Variants in RNF150 observed in about 807,000 individuals in gnomAD.
The protein encoded by RNF150 is ring finger protein 150.
RNF150 carries 24 observed loss-of-function variants against 39.3 expected under a neutral mutation model. The observed-to-expected ratio is 0.61, with a 90% CI of 0.44 to 0.86. The LOEUF is 0.86. RNF150 is among the 40% of genes least tolerant of loss of function. The pLI, the probability that RNF150 is intolerant of heterozygous loss-of-function variation, is 0.00. For synonymous variants in RNF150, 255 were observed against 227.3 expected (o/e 1.12, Z -1.10); for missense variants, 502 against 587.8 (o/e 0.85, Z 1.51).
intron 1 of RNF150, among the ~76,000 whole-genome samples, chr4:141,210,177 T>C (rs549472302): frequency 1.3e-4 from 20 of 152,338 alleles, no homozygotes; most frequent in African/African-American, 4.8e-4. Context: ...TTTGATGATC[T>C]TTTATTGTGA....
chr4:140,986,056 C>T (rs1734005100), intron 1 of RNF150, among the ~76,000 whole-genome samples: 1 of 151,956 alleles, frequency 6.6e-6, no homozygotes, highest in East Asian at 1.9e-4. Context: ...AGCTTAAAAG[C>T]AAAATTAAAA....
Position 140,867,818 on chromosome 4 carries a change from G to A in RNF150, c.*443C>T, listed in dbSNP as rs1485861708. On this transcript the variant is annotated 3_prime_UTR_variant, in exon 7 of 7. Transcript: ENST00000515673. Reference sequence around the variant, plus strand: ...TAAACAGAAACCTATACAAAAGCTGGAGTGCATCAAAGGAAAAACAAAGGA... The same window carrying A: ...TAAACAGAAACCTATACAAAAGCTGAAGTGCATCAAAGGAAAAACAAAGGA... 1.3e-5 allele frequency: 2 copies of A among 155,364 alleles called. No individual in the cohort carries two copies. The highest frequency in any genetic ancestry group is 4.8e-5 in the African/African-American group (2 of 41,466). The allele number at this position is 155,364 out of a possible 1,614,324, so 9.6% of individuals were successfully genotyped here.
intron 1 of RNF150, among the ~76,000 whole-genome samples, chr4:141,048,596 G>C (rs1274072469): frequency 6.6e-6 from 1 of 152,144 alleles, no homozygotes; most frequent in Non-Finnish European, 1.5e-5. Flanking sequence ...AACCAGGCAT[G>C]GTAGTGTGTG....
chr4:140,929,814 A>G (rs1731554024), intron 4 of RNF150, among the ~76,000 whole-genome samples: 1 of 152,146 alleles, frequency 6.6e-6, no homozygotes, highest in Non-Finnish European at 1.5e-5. Context: ...TATCCTCAAC[A>G]ATCTGGGTGG....
chr4:141,167,213 A>T (rs1727620221), intron 1 of RNF150, among the ~76,000 whole-genome samples: 1 of 152,184 alleles, frequency 6.6e-6, no homozygotes, highest in African/African-American at 2.4e-5. Context: ...AAGAGAATAA[A>T]ATACCTAGGA....
intron 4 of RNF150, among the ~76,000 whole-genome samples, chr4:140,929,281 A>G (rs1434257020): frequency 6.6e-6 from 1 of 151,426 alleles, no homozygotes; most frequent in Non-Finnish European, 1.5e-5. Context: ...ATCCACAGAC[A>G]CTGGTCGTTG....
intron 1 of RNF150, among the ~76,000 whole-genome samples, chr4:141,002,408 C>T (rs1000730017): frequency 1.3e-5 from 2 of 152,142 alleles, no homozygotes; most frequent in African/African-American, 4.8e-5. Flanking sequence ...CTGCCTCCCC[C>T]ACCTTCTTCC....
chr4:140,995,267 T>C (rs764381257), intron 1 of RNF150, among the ~76,000 whole-genome samples: 17 of 152,082 alleles, frequency 1.1e-4, no homozygotes, highest in Non-Finnish European at 2.2e-4. Context: ...GGCAAGCCAG[T>C]GGTGTTAGCA....
chr4:140,925,390 A>G (rs1425931106), intron 5 of RNF150, among the ~76,000 whole-genome samples: 2 of 152,122 alleles, frequency 1.3e-5, no homozygotes, highest in African/African-American at 4.8e-5. Flanking sequence ...TCTCTGGGGG[A>G]GTCAACTGGG....
At chr4:141,197,493 T>C (rs1728219725) in intron 1 of RNF150, among the ~76,000 whole-genome samples, 1 of 152,170 alleles carries the variant, frequency 6.6e-6, no homozygotes, top group South Asian at 2.1e-4. Flanking sequence ...ACAAAGAAAA[T>C]TAAGCTAAAA....
At chr4:141,188,904 C>T (rs1162522145) in intron 1 of RNF150, among the ~76,000 whole-genome samples, 1 of 152,208 alleles carries the variant, frequency 6.6e-6, no homozygotes, top group Non-Finnish European at 1.5e-5. Flanking sequence ...CATTGTCTGT[C>T]CAGTTTTTTG....
At chr4:141,010,556 C>T (rs1735037734) in intron 1 of RNF150, among the ~76,000 whole-genome samples, 2 of 152,284 alleles carry the variant, frequency 1.3e-5, no homozygotes, top group South Asian at 4.1e-4. Context: ...TAAATACTTT[C>T]TATCTTCTTC....
chr4:141,086,322 G>T (rs1323438255), intron 1 of RNF150, among the ~76,000 whole-genome samples: 1 of 152,064 alleles, frequency 6.6e-6, no homozygotes, highest in African/African-American at 2.4e-5. Flanking sequence ...GAGTCTACTA[G>T]GTTTTCTTTT....
chr4:141,150,210 C>T (rs1396447938), intron 1 of RNF150, among the ~76,000 whole-genome samples: 2 of 152,104 alleles, frequency 1.3e-5, no homozygotes, highest in Admixed American at 1.3e-4. Context: ...GCAATTGGTA[C>T]CATATTCATA....
chr4:140,955,674 G>A (rs1732719816), intron 2 of RNF150, among the ~76,000 whole-genome samples: 1 of 152,134 alleles, frequency 6.6e-6, no homozygotes, highest in Non-Finnish European at 1.5e-5. Context: ...TCTCCTGAGG[G>A]CTTTGTACTT....
chr4:141,004,062 T>C (rs1450238640), intron 1 of RNF150, among the ~76,000 whole-genome samples: 1 of 152,182 alleles, frequency 6.6e-6, no homozygotes, highest in East Asian at 1.9e-4. Context: ...ACAGTGGTTC[T>C]ATACTGGTTT....
chr4:141,071,912 GA>G (rs1273636862), intron 1 of RNF150, among the ~76,000 whole-genome samples: 10 of 152,106 alleles, frequency 6.6e-5, no homozygotes, highest in South Asian at 2.1e-4. Context: ...CTTTGTGGGG[GA>G]AAAAGAATCA....
At chr4:140,976,420 G>C (rs566918234) in intron 1 of RNF150, among the ~76,000 whole-genome samples, 2 of 151,850 alleles carry the variant, frequency 1.3e-5, no homozygotes, top group Middle Eastern at 3.2e-3. Context: ...CAGTGTTTGC[G>C]AGGATGACCC....
At chr4:140,928,826 G>A (rs950150903) in intron 4 of RNF150, among the ~76,000 whole-genome samples, 8 of 152,266 alleles carry the variant, frequency 5.3e-5, no homozygotes, top group South Asian at 2.1e-4. Context: ...GATTACAGGC[G>A]TGAGCCACCG....
Sources: allele counts gnomAD v4.1 joint callset (sites outside exome capture counted in the v4.1 genomes callset), GRCh38; gene constraint gnomAD v4.1.1; transcripts MANE v1.5; gene names NCBI Gene and HGNC (gene_info 2026-07-23, HGNC 2026-07-21).